The following TANGO6 variants were observed in gnomAD, a reference collection of about 807,000 sequenced individuals.
TANGO6 encodes transport and Golgi organization protein 6 homolog.
Under a neutral mutation model 114.2 loss-of-function variants are expected in TANGO6, and 90 were observed. That is an observed-to-expected ratio of 0.79 (90% CI 0.66 to 0.94). The LOEUF (loss-of-function observed/expected upper bound fraction) is 0.94. TANGO6 is among the 40% of genes least tolerant of loss of function. The pLI is 0.00. For synonymous variants in TANGO6, 477 were observed against 509.8 expected, an observed-to-expected ratio of 0.94 and a Z score of 0.87; for missense variants, 1,274 against 1,315.3, an observed-to-expected ratio of 0.97 and a Z score of 0.49.
rs367666590 is a variant in TANGO6, at chr16:68,923,988, C to T, written c.2128-3580C>T. Reference sequence around the variant, plus strand: ...AAAGGAGAGCCATGCTTCTTGTTTTCACAGGCTTTCACTTGATTATCCTCT... The same window carrying T: ...AAAGGAGAGCCATGCTTCTTGTTTTTACAGGCTTTCACTTGATTATCCTCT... On this transcript the variant is annotated intron_variant, in intron 12 of 17. Coordinates refer to ENST00000261778, the MANE Select transcript of TANGO6 (RefSeq NM_024562.2). 1.2e-4 allele frequency among the ~76,000 whole-genome samples: 18 copies of T among 152,138 alleles called. No homozygotes were observed. In the East Asian group the frequency reaches 2.5e-3, roughly 21 times the overall value.
chr16:69,036,334 C>T (rs1025181628), intron 16 of TANGO6, among the ~76,000 whole-genome samples: 1 of 152,152 alleles, frequency 6.6e-6, no homozygotes, highest in Non-Finnish European at 1.5e-5. Flanking sequence ...GGTGCTTGAC[C>T]TGAACTGAAG....
intron 14 of TANGO6, among the ~76,000 whole-genome samples, chr16:68,939,465 C>A (rs1010054955): frequency 1.3e-5 from 2 of 152,054 alleles, no homozygotes; most frequent in African/African-American, 4.8e-5. Context: ...TTATGACTTG[C>A]TTGCATTAAA....
chr16:69,052,269 CTTTT>C (rs34982291), intron 17 of TANGO6, among the ~76,000 whole-genome samples: 1 of 122,318 alleles, frequency 8.2e-6, no homozygotes, highest in Non-Finnish European at 1.7e-5. Context: ...TTTTTCTTTT[CTTTT>C]TTTTTTTTTT....
intron 7 of TANGO6, among the ~76,000 whole-genome samples, chr16:68,889,520 A>G (rs1962582911): frequency 6.6e-6 from 1 of 152,202 alleles, no homozygotes; most frequent in Non-Finnish European, 1.5e-5. Flanking sequence ...AAAACTTTAT[A>G]GTGAAAAGTT....
chr16:68,907,924 A>C (rs1962874700), intron 10 of TANGO6, among the ~76,000 whole-genome samples: 1 of 152,218 alleles, frequency 6.6e-6, no homozygotes, highest in African/African-American at 2.4e-5. Flanking sequence ...GCTATAGAGT[A>C]ATCCCTTATC....
intron 14 of TANGO6, among the ~76,000 whole-genome samples, chr16:68,941,516 G>T (rs897045949): frequency 2.6e-5 from 4 of 152,058 alleles, no homozygotes; most frequent in African/African-American, 7.2e-5. Context: ...GGACGAGGTG[G>T]GTGGATCACT....
At chr16:68,965,061 G>A (rs1963631551) in intron 14 of TANGO6, among the ~76,000 whole-genome samples, 1 of 152,114 alleles carries the variant, frequency 6.6e-6, no homozygotes, top group Non-Finnish European at 1.5e-5. Flanking sequence ...TAGAATTTCT[G>A]GCTTACCACA....
chr16:68,972,982 AGT>A (rs1381287379), intron 14 of TANGO6: 5 of 330,066 alleles, frequency 1.5e-5, no homozygotes, highest in African/African-American at 1.1e-4. Context: ...AGCAAGGGAG[AGT>A]GTTAAAAGAT....
At chr16:69,068,848 G>C (rs1960256096) in intron 17 of TANGO6, among the ~76,000 whole-genome samples, 1 of 152,146 alleles carries the variant, frequency 6.6e-6, no homozygotes, top group Admixed American at 6.6e-5. Flanking sequence ...CGTGTAGCTG[G>C]GATTACAGGT....
At chr16:68,863,329 T>C (rs1424072764) in intron 3 of TANGO6, among the ~76,000 whole-genome samples, 1 of 152,156 alleles carries the variant, frequency 6.6e-6, no homozygotes, top group Non-Finnish European at 1.5e-5. Flanking sequence ...CAATTTTGGC[T>C]GGGCACGGTG....
Position 68,878,033 on chromosome 16 carries a change from T to G in TANGO6, c.1132-85T>G, listed in dbSNP as rs963357149. On this transcript the variant is annotated intron_variant, in intron 5 of 17. Transcript: ENST00000261778. Reference sequence around the variant, plus strand: ...TATTGAGGTGAATTTATTTTTTGTCTTAAAGAAATTCATGCTTTTTGTTTT... The same window carrying G: ...TATTGAGGTGAATTTATTTTTTGTCGTAAAGAAATTCATGCTTTTTGTTTT... 5.0e-6 allele frequency: 6 copies of G among 1,189,792 alleles called. No individual in the cohort carries two copies. The African/African-American group carries it at 9.3e-5, about 18-fold the overall frequency. 73.7% of individuals were successfully genotyped at this position (1,189,792 alleles called of 1,614,324 possible). A position where few individuals can be genotyped will look rare whatever the true frequency, so the allele number is the denominator to read the frequency against.
chr16:69,064,143 C>T (rs1341510764), intron 17 of TANGO6, among the ~76,000 whole-genome samples: 3 of 152,074 alleles, frequency 2.0e-5, no homozygotes, highest in Non-Finnish European at 4.4e-5. Context: ...GCTCTACAGC[C>T]ATACTTTTCT....
intron 4 of TANGO6, among the ~76,000 whole-genome samples, chr16:68,872,944 C>A (rs976333599): frequency 1.3e-5 from 2 of 151,836 alleles, no homozygotes; most frequent in African/African-American, 4.8e-5. Flanking sequence ...CTCAGGTGAT[C>A]CACCTGCCTC....
At chr16:68,856,070 T>A (rs1961986376) in intron 1 of TANGO6, among the ~76,000 whole-genome samples, 1 of 152,196 alleles carries the variant, frequency 6.6e-6, no homozygotes, top group Non-Finnish European at 1.5e-5. Flanking sequence ...ATTCCATCTG[T>A]GAATATAAAC....
chr16:68,946,015 T>A (rs936775158), intron 14 of TANGO6, among the ~76,000 whole-genome samples: 2 of 151,806 alleles, frequency 1.3e-5, no homozygotes, highest in African/African-American at 2.4e-5. Context: ...TTTTTTTCCT[T>A]CCTATCATTG....
chr16:68,904,746 G>C (rs746378012), intron 9 of TANGO6, among the ~76,000 whole-genome samples: 1 of 152,130 alleles, frequency 6.6e-6, no homozygotes, highest in African/African-American at 2.4e-5. Flanking sequence ...TTAGTGTTTT[G>C]CTTTTTAGTG....
At position 69,083,784 on chromosome 16, in the gene TANGO6, T is replaced by C; in HGVS notation, c.*123T>C. 8.8e-7 allele frequency: 1 copy of C among 1,140,860 alleles called. No homozygotes were observed. Among genetic ancestry groups the C allele is most frequent in the Non-Finnish European group, 1.2e-6 (1 of 823,438 alleles). The allele number at this position is 1,140,860 out of a possible 1,614,324, so 70.7% of individuals were successfully genotyped here. A position where few individuals can be genotyped will look rare whatever the true frequency, so the allele number is the denominator to read the frequency against. On this transcript the variant is annotated 3_prime_UTR_variant, in exon 18 of 18. Coordinates refer to ENST00000261778, the MANE Select transcript of TANGO6 (RefSeq NM_024562.2). ...GCAGCATGGCTGACCCTCGGGGTGG[T>C]TTTATGGTGCAGGTCACTTGGGTCT... is the stretch of plus-strand genomic sequence containing the variant.
chr16:69,044,810 A>G (rs772447033), intron 17 of TANGO6, among the ~76,000 whole-genome samples: 15 of 152,128 alleles, frequency 9.9e-5, no homozygotes, highest in Admixed American at 2.6e-4. Context: ...TGAGCTCAGG[A>G]GTTCAAGACC....
At chr16:69,061,812 A>G (rs901283874) in intron 17 of TANGO6, among the ~76,000 whole-genome samples, 8 of 151,972 alleles carry the variant, frequency 5.3e-5, no homozygotes, top group Non-Finnish European at 1.0e-4. Flanking sequence ...AAGGTCAGGA[A>G]ATCGAGACAA....
Sources: allele counts gnomAD v4.1 joint callset (sites outside exome capture counted in the v4.1 genomes callset), GRCh38; gene constraint gnomAD v4.1.1; transcripts MANE v1.5; gene names NCBI Gene and HGNC (gene_info 2026-07-23, HGNC 2026-07-21).